The following PRKAG3 variants were observed in gnomAD, a reference collection of about 807,000 sequenced individuals.
The protein encoded by PRKAG3 is 5'-AMP-activated protein kinase subunit gamma-3.
Under a neutral mutation model 56.5 loss-of-function variants are expected in PRKAG3, and 39 were observed. The observed-to-expected ratio is 0.69, with a 90% CI of 0.53 to 0.90. The LOEUF is 0.90. Among genes scored for constraint, PRKAG3 ranks in the 40% least tolerant of loss-of-function variants. The pLI, the probability that PRKAG3 is intolerant of heterozygous loss-of-function variation, is 0.00. For missense variants in PRKAG3, 628 were observed against 627.5 expected (o/e 1.00, Z -0.01); for synonymous variants, 243 against 250.1 (o/e 0.97, Z 0.27).
At position 218,830,211 on chromosome 2, in the gene PRKAG3, C is replaced by A; in HGVS notation, c.400G>T (p.Glu134Ter). The A allele has an allele frequency of 6.2e-7, 1 of 1,614,092 alleles. No individual in the cohort carries two copies. Among genetic ancestry groups the A allele is most frequent in the Non-Finnish European group, 8.5e-7 (1 of 1,180,024 alleles). ...GTGGCTGGGAACTCCGTGGCCAGCT[C>A]CACATCATCTGTGCTGGAGCCTGCA... is the stretch of plus-strand genomic sequence containing the variant. Residue 134 changes from glutamate to a stop codon, truncating the protein, a stop_gained, in exon 4 of 13, where the codon GAG (glutamate) becomes TAG (stop). Coordinates refer to ENST00000529249, the Ensembl canonical transcript of PRKAG3. LOFTEE classifies it high-confidence loss of function.
rs375652902 is a variant in PRKAG3 at position 218,827,564 on chromosome 2, G to A, written c.875+11C>T. 1.3e-5 allele frequency: 21 copies of A among 1,613,156 alleles called. No individual in the cohort carries two copies. Among genetic ancestry groups the A allele is most frequent in the Non-Finnish European group, 1.8e-5 (21 of 1,179,172 alleles). On this transcript the variant is annotated intron_variant, in intron 8 of 12. Transcript: ENST00000529249. This position sits in a 1 kb window ranked among gnomAD's most constrained non-coding sequence, Gnocchi z 5.3. ...AGGAGGAGGCTCAGGTGAATGAGCA[G>A]AGACACCCACCTATCATTAGGAGAG...
In PRKAG3 at chr2:218,827,890, G is replaced by A. The variant is rs753669652; in HGVS notation, c.775-12C>T. 6.8e-6 allele frequency: 11 copies of A among 1,613,922 alleles called. No individual in the cohort carries two copies. The highest frequency in any genetic ancestry group is 3.3e-4 in the Middle Eastern group (2 of 6,062). On this transcript the variant is annotated splice_polypyrimidine_tract_variant and intron_variant, in intron 6 of 12. Transcript: ENST00000529249. The surrounding 1 kb of genome is among the most constrained non-coding windows in gnomAD (Gnocchi z 5.3). ...TCATAGATCTGGACCTAGAGACATC[G>A]ACAGGACTCCAGAAGTCAGAAAGAC...
chr2:218,829,913 G>T, intron 4 of PRKAG3, 65 bp downstream of exon 4: 1 of 1,523,962 alleles, frequency 6.6e-7, no homozygotes, highest in South Asian at 1.2e-5. Flanking sequence ...TGCAGGGTGG[G>T]AGTGGCGGCT....
At chr2:218,831,440 T>G in intron 1 of PRKAG3, 65 bp from the exon 2 acceptor site, 1 of 1,425,222 alleles carries the variant, frequency 7.0e-7, no homozygotes, top group Non-Finnish European at 9.6e-7. Context: ...CCCTTCTCCC[T>G]GAACACACGC....
chr2:218,823,987 G>A (rs1943891119), intron 12 of PRKAG3, 109 bp from the exon 13 acceptor site: 2 of 1,267,400 alleles, frequency 1.6e-6, no homozygotes, highest in Admixed American at 1.7e-5. Flanking sequence ...GAGGGAGAGA[G>A]CGTCTCCTAG....
chr2:218,831,616 C>T (rs550560806), intron 1 of PRKAG3, 122 bp downstream of exon 1: 108 of 1,343,444 alleles, frequency 8.0e-5, no homozygotes, highest in Non-Finnish European at 1.0e-4. Flanking sequence ...CCCATATTCA[C>T]GAGAAAATCC....
chr2:218,827,935 G>A lies in PRKAG3; in HGVS notation c.775-57C>T. 6.2e-7 allele frequency: 1 copy of A among 1,610,150 alleles called. No individual in the cohort carries two copies. The highest frequency in any genetic ancestry group is 8.5e-7 in the Non-Finnish European group (1 of 1,177,532). ...AAAGACGTGGGCTTCTAGGGCACCA[G>A]GCTCCAGGAGGACTCCCCTCCGCCC... On this transcript the variant is annotated intron_variant, in intron 6 of 12. Transcript: ENST00000529249. The surrounding 1 kb of genome is among the most constrained non-coding windows in gnomAD (Gnocchi z 5.3).
chr2:218,827,606 T>G lies in PRKAG3; in HGVS notation c.844A>C (p.Lys282Gln). Residue 282 changes from lysine to glutamine, a missense_variant, in exon 8 of 13, where the codon AAG (lysine) becomes CAG (glutamine). Physicochemically the swap from Lys to Gln is moderately conservative, Grantham distance 53. Transcript: ENST00000529249. The surrounding 1 kb of genome is among the most constrained non-coding windows in gnomAD (Gnocchi z 5.3). ...TTAGGAGAGATGGAGACCAGAGGCT[T>G]GAAGCAGCCTTGCAGGTAGATCTCT... The G allele has an allele frequency of 6.2e-7, 1 of 1,614,052 alleles. No homozygotes were observed. Among genetic ancestry groups the G allele is most frequent in the Non-Finnish European group, 8.5e-7 (1 of 1,179,962 alleles).
intron 5 of PRKAG3, 39 bp downstream of exon 5, chr2:218,828,480 C>A: frequency 6.4e-7 from 1 of 1,567,938 alleles, no homozygotes; most frequent in Non-Finnish European, 8.7e-7. Context: ...CTCCCCCTCA[C>A]CTCCTCCATC....
downstream of PRKAG3, chr2:218,823,037 C>T (rs1943877389): frequency 1.0e-6 from 1 of 982,060 alleles, no homozygotes; most frequent in African/African-American, 1.8e-5. Flanking sequence ...CTTCTGGGAG[C>T]ACAGGTAGGG....
rs1003427654 is a variant in PRKAG3, at chr2:218,828,043, G to C, written c.735C>G (p.Asp245Glu). ...AGTAGCGATGCAGCACCAGGATGAA[G>C]TCAGTGATGGTCAGCATCCCTGCAG... is the stretch of plus-strand genomic sequence containing the variant. The change falls in exon 6 of 13, where the codon GAC becomes GAG. Residue 245 changes from aspartate (D) to glutamate (E), a missense_variant. Coordinates refer to ENST00000529249, the Ensembl canonical transcript of PRKAG3. 5 of 1,556,798 alleles carry C rather than the reference G, an allele frequency of 3.2e-6. No homozygotes were observed. Among genetic ancestry groups the C allele is most frequent in the Non-Finnish European group, 3.5e-6 (4 of 1,151,850 alleles).
rs150963042 is a variant in PRKAG3, at chr2:218,824,381, G to C, written c.1207-13C>G. 19 of 1,613,986 alleles carry C rather than the reference G, an allele frequency of 1.2e-5. No homozygotes were observed. Among genetic ancestry groups the C allele is most frequent in the Non-Finnish European group, 1.5e-5 (18 of 1,180,018 alleles). On this transcript the variant is annotated splice_polypyrimidine_tract_variant and intron_variant, in intron 11 of 12. Transcript: ENST00000529249. ...GGGCAGCCAGGTGCTGGGGCAGAGAGAGAAGTATGGCTCCTAGTCACCCCC... is the reference window on the plus strand; with the variant it reads ...GGGCAGCCAGGTGCTGGGGCAGAGACAGAAGTATGGCTCCTAGTCACCCCC...
In PRKAG3 at chr2:218,827,333, G is replaced by A. The variant is rs1436922156; in HGVS notation, c.916C>T (p.His306Tyr). 1.2e-6 allele frequency: 2 copies of A among 1,614,166 alleles called. No individual in the cohort carries two copies. Among genetic ancestry groups the A allele is most frequent in the East Asian group, 2.2e-5 (1 of 44,884 alleles). ...ACCGGGTCAAGAACAGGCAGGCGAT[G>A]GATCCGGTTCTTGATGAGGGTGTAG... Residue 306 changes from histidine to tyrosine, a missense_variant, in exon 9 of 13, where the codon CAT (histidine) becomes TAT (tyrosine). Coordinates refer to ENST00000529249, the Ensembl canonical transcript of PRKAG3. The surrounding 1 kb of genome is among the most constrained non-coding windows in gnomAD (Gnocchi z 5.3).
intron 5 of PRKAG3, 151 bp from the exon 6 acceptor site, chr2:218,828,213 G>C (rs538885633): frequency 1.2e-6 from 1 of 815,554 alleles, no homozygotes; most frequent in East Asian, 2.7e-5. Flanking sequence ...CCCCAGGCCT[G>C]AGAAGTGGGG....
chr2:218,823,746 G>T, exon 13 of PRKAG3: 1 of 1,613,774 alleles, frequency 6.2e-7, no homozygotes, highest in Non-Finnish European at 8.5e-7. Flanking sequence ...GCTTGGGATT[G>T]AGGACTCAGA....
chr2:218,829,262 CTCAT>C (rs1393694261), intron 4 of PRKAG3, among the ~76,000 whole-genome samples: 1 of 151,540 alleles, frequency 6.6e-6, no homozygotes, highest in African/African-American at 2.4e-5. Context: ...GGTGCCAGAG[CTCAT>C]TATTTTTTCT....
exon 13 of PRKAG3, chr2:218,823,878 C>T (rs1575209989): frequency 6.2e-7 from 1 of 1,613,802 alleles, no homozygotes; most frequent in Admixed American, 1.7e-5. Flanking sequence ...AGCCTGTGTA[C>T]CTGTGGGTCC....
rs1343702581 is a variant in PRKAG3, at chr2:218,827,827, A to G, written c.820+6T>C. 1.2e-6 allele frequency: 2 copies of G among 1,613,056 alleles called. No individual in the cohort carries two copies. The highest frequency in any genetic ancestry group is 3.3e-5 in the Admixed American group (2 of 59,942). ...CAGCCCTTTCCGGGTTCCTCTCCCC[A>G]CTCACCCCTCCAGGTCTCAATCTTA... On this transcript the variant is annotated splice_donor_region_variant and intron_variant, in intron 7 of 12. Coordinates refer to ENST00000529249, the Ensembl canonical transcript of PRKAG3. This position sits in a 1 kb window ranked among gnomAD's most constrained non-coding sequence, Gnocchi z 5.3.
At position 218,827,584 on chromosome 2, in the gene PRKAG3, G is replaced by A; in HGVS notation, c.866C>T (p.Pro289Leu). 1 of 1,613,882 alleles carries A rather than the reference G, an allele frequency of 6.2e-7. No homozygotes were observed. Among genetic ancestry groups the A allele is most frequent in the Non-Finnish European group, 8.5e-7 (1 of 1,179,814 alleles). ...GAGCAGAGACACCCACCTATCATTA[G>A]GAGAGATGGAGACCAGAGGCTTGAA... is the stretch of plus-strand genomic sequence containing the variant. The change falls in exon 8 of 13, where the codon CCT (proline) becomes CTT (leucine). Residue 289 changes from proline (P) to leucine (L), a missense_variant. Pro to Leu is a moderately conservative substitution (Grantham distance 98, BLOSUM62 -3). Transcript: ENST00000529249. This position sits in a 1 kb window ranked among gnomAD's most constrained non-coding sequence, Gnocchi z 5.3.
Sources: gnomAD v4.1 joint callset for allele counts (sites outside exome capture counted in the v4.1 genomes callset) on GRCh38, gnomAD v4.1.1 for gene constraint, Gnocchi (gnomAD v3.1) non-coding constraint, MANE v1.5 for transcripts, NCBI Gene and HGNC (gene_info 2026-07-23, HGNC 2026-07-21) for gene names.